HNRNPAB: variants seen among roughly 807,000 people sequenced by gnomAD.
HNRNPAB encodes the protein ABBP-1.
HNRNPAB carries 17 observed loss-of-function variants against 44.1 expected under a neutral mutation model. The ratio of observed to expected loss-of-function variants is 0.39; its 90% CI spans 0.26 to 0.58. The LOEUF (loss-of-function observed/expected upper bound fraction) is 0.58, where lower values mean the gene tolerates loss of function less well. Among genes scored for constraint, HNRNPAB ranks in the 20% least tolerant of loss-of-function variants. The pLI, the probability that HNRNPAB is intolerant of heterozygous loss-of-function variation, is 0.63. For missense variants in HNRNPAB, 393 were observed against 432.7 expected (o/e 0.91, Z 0.81); for synonymous variants, 183 against 167.6 (o/e 1.09, Z -0.71).
chr5:178,210,214 T>C lies in HNRNPAB; in HGVS notation c.870T>C (p.Tyr290=), dbSNP rs767229895. The C allele has an allele frequency of 2.5e-6, 4 of 1,612,968 alleles. No individual in the cohort carries two copies. The African/African-American group carries it at 5.3e-5, about 22-fold the overall frequency. ...YGYQQGYGPG[Y]GGYDYSPYGY... is the part of the protein sequence containing the mutation. ...ACCAGCAGGGCTACGGGCCTGGCTA[T>C]GGCGGCTACGACTACTCGCCCTATG... Residue 290 remains tyrosine, a synonymous_variant, in exon 7 of 8, where the codon TAT becomes TAC. Coordinates refer to ENST00000358344, the MANE Select transcript of HNRNPAB (RefSeq NM_031266.3).
chr5:178,210,312 G>C (rs539690163), intron 7 of HNRNPAB, 40 bp downstream of exon 7: 10 of 1,613,260 alleles, frequency 6.2e-6, no homozygotes, highest in East Asian at 4.5e-5. Context: ...CTCACCCCTC[G>C]TCCCCAGGGG....
At chr5:178,205,651 G>GT in intron 2 of HNRNPAB, 191 bp from the exon 3 acceptor site, 1 of 579,730 alleles carries the variant, frequency 1.7e-6, no homozygotes, top group East Asian at 2.9e-5. Flanking sequence ...GCAGAGCCTT[G>GT]TTAAGCCTCG....
intron 6 of HNRNPAB, among the ~76,000 whole-genome samples, chr5:178,209,890 CTGAG>C (rs1050686444): frequency 2.0e-5 from 3 of 152,228 alleles, no homozygotes; most frequent in South Asian, 2.1e-4. Context: ...CAGAGAGTGA[CTGAG>C]TGAGTGAGCT....
In HNRNPAB at chr5:178,209,515, G is replaced by T. The variant is rs979004676; in HGVS notation, c.787+68G>T. On this transcript the variant is annotated intron_variant, in intron 6 of 7. Coordinates refer to ENST00000358344, the MANE Select transcript of HNRNPAB (RefSeq NM_031266.3). ...ACATGGAGCCTTCCAAGCCTGTCTT[G>T]GGGCTCCCTCTGGTGCTGTGCAGCA... 40 of 1,376,488 alleles carry T rather than the reference G, an allele frequency of 2.9e-5. No individual in the cohort carries two copies. The African/African-American group carries it at 4.5e-4, about 16-fold the overall frequency. The allele number at this position is 1,376,488 out of a possible 1,614,324, so 85.3% of individuals were successfully genotyped here. A position where few individuals can be genotyped will look rare whatever the true frequency, so the allele number is the denominator to read the frequency against.
At chr5:178,208,380 G>A (rs1485691138) in intron 5 of HNRNPAB, 1 of 152,214 alleles carries the variant, frequency 6.6e-6, no homozygotes, top group Non-Finnish European at 1.5e-5. Flanking sequence ...TACTCCAGTG[G>A]ACAGTGATAG....
At position 178,204,842 on chromosome 5, in the gene HNRNPAB, C is replaced by T. The variant is rs2113529495; in HGVS notation, c.5C>T (p.Ser2Leu). 1 of 1,219,100 alleles carries T rather than the reference C, an allele frequency of 8.2e-7. No individual in the cohort carries two copies. Among genetic ancestry groups the T allele is most frequent in the Non-Finnish European group, 1.0e-6 (1 of 979,976 alleles). The allele number at this position is 1,219,100 out of a possible 1,614,324, so 75.5% of individuals were successfully genotyped here. ...GCCGCCGCGCCTCGGCCTAGCATGT[C>T]GGAAGCGGGCGAGGAGCAGCCCATG... M[S>L]EAGEEQPMET... Residue 2 changes from serine (S) to leucine (L), a missense_variant, in exon 2 of 8, where the codon TCG becomes TTG. Physicochemically the swap from Ser to Leu is moderately radical, Grantham distance 145. Around this residue, in one of 3 missense-constraint regions of HNRNPAB, gnomAD observed 81 missense variants for 73.4 expected, o/e 1.10. Coordinates refer to ENST00000358344, the MANE Select transcript of HNRNPAB (RefSeq NM_031266.3).
chr5:178,205,848 G>A lies in HNRNPAB; in HGVS notation c.216G>A (p.Met72Ile). 1 of 1,613,042 alleles carries A rather than the reference G, an allele frequency of 6.2e-7. No homozygotes were observed. The highest frequency in any genetic ancestry group is 1.7e-5 in the Admixed American group (1 of 59,752). Residue 72 changes from methionine to isoleucine, a missense_variant, in exon 3 of 8, where the codon ATG becomes ATA. Coordinates refer to ENST00000358344, the MANE Select transcript of HNRNPAB (RefSeq NM_031266.3). ...ASKNEEDAGK[M>I]FVGGLSWDTS... is the part of the protein sequence containing the mutation. ...TCTCACCCTACCATTTCAGAAAAAT[G>A]TTCGTTGGTGGCCTGAGCTGGGATA...
In HNRNPAB at chr5:178,207,203, T is replaced by A; in HGVS notation, c.647T>A (p.Phe216Tyr). 1.9e-6 allele frequency: 3 copies of A among 1,614,218 alleles called. No homozygotes were observed. The highest frequency in any genetic ancestry group is 2.5e-6 in the Non-Finnish European group (3 of 1,180,034). ...EPVKKVLEKKFHTVSGSKCEI... is the reference protein window; with the variant it reads ...EPVKKVLEKKYHTVSGSKCEI... ...GTGAAGAAGGTTCTGGAGAAAAAGTTCCATACTGTCAGTGGAAGCAAGGTA... is the reference window on the plus strand; with the variant it reads ...GTGAAGAAGGTTCTGGAGAAAAAGTACCATACTGTCAGTGGAAGCAAGGTA... The change falls in exon 5 of 8, where the codon TTC (phenylalanine) becomes TAC (tyrosine). Residue 216 changes from phenylalanine (F) to tyrosine (Y), a missense_variant. Physicochemically the swap from Phe to Tyr is conservative, Grantham distance 22. Transcript: ENST00000358344.
chr5:178,205,443 G>C (rs1409129268), intron 2 of HNRNPAB: 2 of 157,190 alleles, frequency 1.3e-5, no homozygotes, highest in Non-Finnish European at 2.8e-5. Flanking sequence ...CCTCTCCCGG[G>C]GGCGGAGTCA....
Position 178,204,702 on chromosome 5 carries a change from G to T in HNRNPAB, c.-62G>T, listed in dbSNP as rs900539488. ...GAGCCTGCGGCGCCTTCCCCTGCGG[G>T]TGGGGACGAGCGGGCCCCGCGGCGT... On this transcript the variant is annotated 5_prime_UTR_variant, in exon 1 of 8. Transcript: ENST00000358344. The T allele has an allele frequency of 4.8e-6, 2 of 413,190 alleles. No individual in the cohort carries two copies. The highest frequency in any genetic ancestry group is 4.9e-5 in the Admixed American group (1 of 20,408). 25.6% of individuals were successfully genotyped at this position (413,190 alleles called of 1,614,324 possible).
rs373529188 is a variant in HNRNPAB, at chr5:178,206,878, C to T, written c.525C>T (p.Gly175=). The part of the protein sequence containing the change: ...ATEEKIREYF[G]EFGEIEAIEL... ...AGGAAAAGATCAGGGAGTACTTTGGCGAGTTTGGGGAGGTGAGTGTGGCTC... is the reference window on the plus strand; with the variant it reads ...AGGAAAAGATCAGGGAGTACTTTGGTGAGTTTGGGGAGGTGAGTGTGGCTC... The change falls in exon 4 of 8, where the codon GGC becomes GGT. Residue 175 remains glycine, a synonymous_variant. Transcript: ENST00000358344. 3 of 1,614,064 alleles carry T rather than the reference C, an allele frequency of 1.9e-6. No homozygotes were observed. The highest frequency in any genetic ancestry group is 1.7e-6 in the Non-Finnish European group (2 of 1,179,992).
Position 178,206,735 on chromosome 5 carries a change from C to T in HNRNPAB, c.382C>T (p.Leu128=). ...FKDAASVEKV[L]DQKEHRLDGR... is the part of the protein sequence containing the mutation. ...TGACCCCTTTCTGTTGGAACAGGTC[C>T]TAGACCAGAAGGAGCACAGGCTGGA... Residue 128 remains leucine (L), a synonymous_variant, in exon 4 of 8, where the codon CTA becomes TTA. Coordinates refer to ENST00000358344, the MANE Select transcript of HNRNPAB (RefSeq NM_031266.3). 6.2e-7 allele frequency: 1 copy of T among 1,613,590 alleles called. No homozygotes were observed.
At chr5:178,205,737 A>G (rs1757030925) in intron 2 of HNRNPAB, 105 bp from the exon 3 acceptor site, 2 of 1,050,826 alleles carry the variant, frequency 1.9e-6, no homozygotes, top group African/African-American at 3.2e-5. Flanking sequence ...TGCAGACTCT[A>G]AGGGTAGCTG....
Position 178,208,281 on chromosome 5 carries a change from G to C in HNRNPAB, c.670-1049G>C, listed in dbSNP as rs541727864. Among the ~76,000 whole-genome samples the C allele has an allele frequency of 3.9e-5, 6 of 152,344 alleles. No homozygotes were observed. The East Asian group carries it at 1.2e-3, about 29-fold the overall frequency. On this transcript the variant is annotated intron_variant, in intron 5 of 7. Coordinates refer to ENST00000358344, the MANE Select transcript of HNRNPAB (RefSeq NM_031266.3). ...GGAACTCCTGGAAGTCTCTATCCTGGCTGGGAGTTTGGAAAGAGTGGATTA... is the reference window on the plus strand; with the variant it reads ...GGAACTCCTGGAAGTCTCTATCCTGCCTGGGAGTTTGGAAAGAGTGGATTA...
chr5:178,210,593 T>C lies in HNRNPAB; in HGVS notation c.969T>C (p.Gly323=). The C allele has an allele frequency of 6.2e-7, 1 of 1,614,184 alleles. No homozygotes were observed. Among genetic ancestry groups the C allele is most frequent in the South Asian group, 1.1e-5 (1 of 91,080 alleles). ...ACTACGGCAAGAGCCAGCGACGTGG[T>C]GGCCATCAGAATAACTACAAGCCAT... ...STNYGKSQRR[G]GHQNNYKPY The change falls in exon 8 of 8, where the codon GGT becomes GGC. Residue 323 remains glycine (G), a synonymous_variant. Transcript: ENST00000358344.
chr5:178,209,477 T>G (rs1322398476), intron 6 of HNRNPAB, 30 bp downstream of exon 6: 1 of 1,579,210 alleles, frequency 6.3e-7, no homozygotes, highest in East Asian at 2.2e-5. Flanking sequence ...AGATAGGTCC[T>G]GTTTCCCTGC....
chr5:178,208,832 A>T (rs548919221), intron 5 of HNRNPAB: 4 of 153,554 alleles, frequency 2.6e-5, no homozygotes, highest in African/African-American at 9.6e-5. Flanking sequence ...CCCCACCCTG[A>T]GCCTCTGAAA....
intron 3 of HNRNPAB, among the ~76,000 whole-genome samples, chr5:178,206,339 G>A (rs1390989055): frequency 6.6e-6 from 1 of 152,170 alleles, no homozygotes; most frequent in Non-Finnish European, 1.5e-5. Flanking sequence ...CCATTTTACA[G>A]GACAAAAACC....
In HNRNPAB at chr5:178,209,341, G is replaced by T. The variant is rs1757444222; in HGVS notation, c.681G>T (p.Lys227Asn). 6.2e-7 allele frequency: 1 copy of T among 1,614,196 alleles called. No individual in the cohort carries two copies. The highest frequency in any genetic ancestry group is 1.1e-5 in the South Asian group (1 of 91,072). The change falls in exon 6 of 8, where the codon AAG (lysine) becomes AAT (asparagine). Residue 227 changes from lysine (K) to asparagine (N), a missense_variant. Lys to Asn is a moderately conservative substitution (Grantham distance 94). Transcript: ENST00000358344. ...CTCTTGACTTTTAGTGTGAGATCAA[G>T]GTGGCCCAGCCCAAAGAAGTCTATC... ...HTVSGSKCEIKVAQPKEVYQQ... is the reference protein window; with the variant it reads ...HTVSGSKCEINVAQPKEVYQQ...
Sources: gnomAD v4.1 joint callset for allele counts (sites outside exome capture counted in the v4.1 genomes callset) on GRCh38, gnomAD v4.1.1 for gene constraint, gnomAD v4.1.1 regional missense constraint, MANE v1.5 for transcripts, NCBI Gene and HGNC (gene_info 2026-07-23, HGNC 2026-07-21) for gene names.